Variants in SEMA6A observed in about 807,000 individuals in gnomAD.
SEMA6A encodes semaphorin 6A, also known as semaphorin-6A.
In SEMA6A, 25 loss-of-function variants were observed where a neutral mutation model predicts 96.8. The observed-to-expected ratio is 0.26, with a 90% CI of 0.19 to 0.36. SEMA6A has a LOEUF of 0.36. SEMA6A is among the 10% of genes least tolerant of loss of function. SEMA6A has a pLI of 1.00. For missense variants in SEMA6A, 1,363 were observed against 1,323.1 expected, an observed-to-expected ratio of 1.03 and a Z score of -0.47; for synonymous variants, 612 against 518.0, an observed-to-expected ratio of 1.18 and a Z score of -2.46.
At chr5:116,519,693 G>GCA (rs1290299020) in intron 1 of SEMA6A, among the ~76,000 whole-genome samples, 3 of 123,110 alleles carry the variant, frequency 2.4e-5, no homozygotes, top group African/African-American at 1.3e-4. Context: ...ACACACACAC[G>GCA]CACACACATA....
At chr5:116,517,767 C>G (rs1039197136) in intron 1 of SEMA6A, among the ~76,000 whole-genome samples, 2 of 152,204 alleles carry the variant, frequency 1.3e-5, no homozygotes. Context: ...CCAGGCTCAG[C>G]AACCCCTCCA....
chr5:116,484,646 AATAACAAAAATC>A (rs926048950), intron 10 of SEMA6A, among the ~76,000 whole-genome samples: 2 of 152,116 alleles, frequency 1.3e-5, no homozygotes, highest in Non-Finnish European at 2.9e-5. Context: ...TAATAATAAT[AATAACAAAAATC>A]ATAACAACAA....
At chr5:116,539,585 C>CTGTG (rs1485936228) in intron 1 of SEMA6A, among the ~76,000 whole-genome samples, 2 of 135,898 alleles carry the variant, frequency 1.5e-5, no homozygotes, top group African/African-American at 3.3e-5. Flanking sequence ...TTTAATAATT[C>CTGTG]TGTGCGTGTG....
At chr5:116,557,300 C>T (rs1337009261) in intron 1 of SEMA6A, among the ~76,000 whole-genome samples, 4 of 152,212 alleles carry the variant, frequency 2.6e-5, no homozygotes, top group African/African-American at 9.6e-5. Flanking sequence ...CAATCTCCAC[C>T]TCCTGGGCTC....
At position 116,559,382 on chromosome 5, in the gene SEMA6A, C is replaced by T. The variant is rs965681325; in HGVS notation, c.-39+14803G>A. Among the ~76,000 whole-genome samples the T allele has an allele frequency of 3.3e-5, 5 of 152,134 alleles. No individual in the cohort carries two copies. The South Asian group carries it at 6.2e-4, about 19-fold the overall frequency. ...ACAGCTGGCCGGAAGACAGGTACCCCCTGGAGATTGAGAGGGGCCGTCAGG... is the reference window on the plus strand; with the variant it reads ...ACAGCTGGCCGGAAGACAGGTACCCTCTGGAGATTGAGAGGGGCCGTCAGG... On this transcript the variant is annotated intron_variant, in intron 1 of 18. Coordinates refer to ENST00000343348, the MANE Select transcript of SEMA6A (RefSeq NM_020796.5).
intron 7 of SEMA6A, among the ~76,000 whole-genome samples, chr5:116,489,694 G>A (rs1258719588): frequency 3.3e-5 from 5 of 152,198 alleles, no homozygotes; most frequent in African/African-American, 9.7e-5. Flanking sequence ...AAGGGGTTAC[G>A]CTGAGTTCAA....
intron 1 of SEMA6A, among the ~76,000 whole-genome samples, chr5:116,522,916 C>T (rs1480428665): frequency 2.0e-5 from 3 of 152,158 alleles, no homozygotes; most frequent in Non-Finnish European, 2.9e-5. Flanking sequence ...CTGAGACAGT[C>T]ATCTTCGACC....
chr5:116,566,683 T>G (rs1761040886), intron 1 of SEMA6A, among the ~76,000 whole-genome samples: 1 of 152,238 alleles, frequency 6.6e-6, no homozygotes, highest in Non-Finnish European at 1.5e-5. Context: ...AAGTCAGATT[T>G]TTCTCACTGA....
intron 7 of SEMA6A, among the ~76,000 whole-genome samples, chr5:116,490,845 A>G (rs1757294153): frequency 6.6e-6 from 1 of 152,230 alleles, no homozygotes; most frequent in Admixed American, 6.6e-5. Flanking sequence ...AATCACTATT[A>G]TACCAACACT....
chr5:116,527,191 T>C (rs1477526676), intron 1 of SEMA6A, among the ~76,000 whole-genome samples: 1 of 152,074 alleles, frequency 6.6e-6, no homozygotes, highest in Non-Finnish European at 1.5e-5. Context: ...CAGCAAAATA[T>C]CAATTCAAAC....
intron 1 of SEMA6A, among the ~76,000 whole-genome samples, chr5:116,532,923 AG>A (rs1487039081): frequency 2.6e-5 from 4 of 152,212 alleles, no homozygotes; most frequent in Admixed American, 1.3e-4. Context: ...ACACAGACAG[AG>A]ATGACAGGTG....
intron 1 of SEMA6A, among the ~76,000 whole-genome samples, chr5:116,505,497 TC>T (rs1248970886): frequency 2.6e-5 from 4 of 150,960 alleles, no homozygotes; most frequent in Non-Finnish European, 5.9e-5. Context: ...CTATAACTCA[TC>T]CTGTTTACTA....
At chr5:116,476,829 G>A (rs562618270) in intron 15 of SEMA6A, among the ~76,000 whole-genome samples, 3 of 152,280 alleles carry the variant, frequency 2.0e-5, no homozygotes, top group South Asian at 4.1e-4. Context: ...AATGCTACTT[G>A]CAAAGCTGTT....
intron 18 of SEMA6A, chr5:116,449,689 CAAAGGATTGTGACTTAAGTAGAAGCAGCA>C (rs1754502797): frequency 4.3e-6 from 1 of 232,966 alleles, no homozygotes; most frequent in Non-Finnish European, 8.3e-6. Flanking sequence ...TGTCCTGTGA[CAAAGGATTGTGACTTAAGTAGAAGCAGCA>C]AATATCTCTT....
At chr5:116,482,655 T>C in intron 10 of SEMA6A, 80 bp from the exon 11 acceptor site, 6 of 1,426,364 alleles carry the variant, frequency 4.2e-6, no homozygotes, top group Middle Eastern at 1.8e-4. Context: ...AGAGAAACTT[T>C]CCTGGTACAG....
At chr5:116,515,660 G>A (rs930437736) in intron 1 of SEMA6A, among the ~76,000 whole-genome samples, 9 of 152,284 alleles carry the variant, frequency 5.9e-5, no homozygotes, top group East Asian at 1.9e-4. Flanking sequence ...TTGACAGGAC[G>A]ACTCTCCCTA....
intron 1 of SEMA6A, among the ~76,000 whole-genome samples, chr5:116,513,710 A>G (rs1344245344): frequency 4.6e-5 from 7 of 151,682 alleles, no homozygotes; most frequent in Non-Finnish European, 1.5e-5. Context: ...TTTGCGGCAC[A>G]GGTCATCCCA....
intron 6 of SEMA6A, among the ~76,000 whole-genome samples, chr5:116,492,695 G>C (rs1354397896): frequency 1.3e-5 from 2 of 152,152 alleles, no homozygotes; most frequent in Non-Finnish European, 2.9e-5. Flanking sequence ...GCTTACTTGT[G>C]TTATAAAAAT....
intron 18 of SEMA6A, among the ~76,000 whole-genome samples, chr5:116,450,323 G>T (rs531727587): frequency 6.6e-6 from 1 of 152,232 alleles, no homozygotes; most frequent in South Asian, 2.1e-4. Context: ...CAAATTTAGG[G>T]GGACTGGATA....
Sources: allele counts gnomAD v4.1 joint callset (sites outside exome capture counted in the v4.1 genomes callset), GRCh38; gene constraint gnomAD v4.1.1; transcripts MANE v1.5; gene names NCBI Gene and HGNC (gene_info 2026-07-23, HGNC 2026-07-21).